SH3RF2: variants seen among roughly 807,000 people sequenced by gnomAD.
SH3RF2 encodes SH3 domain containing ring finger 2.
Under a neutral mutation model 59.0 loss-of-function variants are expected in SH3RF2, and 43 were observed. That is an observed-to-expected ratio of 0.73 (90% CI 0.57 to 0.94). SH3RF2 has a LOEUF of 0.94. SH3RF2 is among the 40% of genes least tolerant of loss of function. The pLI, the probability that SH3RF2 is intolerant of heterozygous loss-of-function variation, is 0.00. For missense variants in SH3RF2, 930 were observed against 940.1 expected, an observed-to-expected ratio of 0.99 and a Z score of 0.14; for synonymous variants, 391 against 391.5, an observed-to-expected ratio of 1.00 and a Z score of 0.01.
At chr5:145,944,337 CT>C (rs59087828) in intron 2 of SH3RF2, among the ~76,000 whole-genome samples, 1,446 of 140,926 alleles carry the variant, frequency 0.01, 6 homozygotes, top group African/African-American at 0.015. Flanking sequence ...TTTCTTTTCC[CT>C]TTTTTTTTTT....
intron 2 of SH3RF2, among the ~76,000 whole-genome samples, chr5:145,944,090 C>T (rs997040751): frequency 7.9e-5 from 12 of 152,140 alleles, no homozygotes; most frequent in Non-Finnish European, 1.2e-4. Context: ...ATAGGTTGTG[C>T]AGCCCTAATT....
intron 2 of SH3RF2, among the ~76,000 whole-genome samples, chr5:145,939,629 G>T (rs1378474092): frequency 6.6e-6 from 1 of 152,096 alleles, no homozygotes; most frequent in Non-Finnish European, 1.5e-5. Flanking sequence ...TCCAGAAAAG[G>T]GTTTGGAACT....
chr5:146,004,322 G>T (rs1020693401), intron 4 of SH3RF2, among the ~76,000 whole-genome samples, 169 bp downstream of exon 4: 2 of 152,166 alleles, frequency 1.3e-5, no homozygotes, highest in East Asian at 3.8e-4. Context: ...CAAGAGTCTG[G>T]GGAAATGAGC....
At chr5:146,031,755 T>G (rs1277912699) in intron 5 of SH3RF2, among the ~76,000 whole-genome samples, 1 of 152,186 alleles carries the variant, frequency 6.6e-6, no homozygotes, top group Non-Finnish European at 1.5e-5. Flanking sequence ...AGTGCTTTGA[T>G]AGCTGGATTC....
chr5:146,074,556 A>G (rs1408656804), intron 9 of SH3RF2, among the ~76,000 whole-genome samples: 2 of 150,970 alleles, frequency 1.3e-5, no homozygotes, highest in Non-Finnish European at 3.0e-5. Context: ...CTAGGCAGCA[A>G]ACAATAAGCA....
intron 2 of SH3RF2, among the ~76,000 whole-genome samples, chr5:145,950,656 G>A (rs1047221628): frequency 2.0e-5 from 3 of 151,578 alleles, no homozygotes; most frequent in African/African-American, 7.3e-5. Flanking sequence ...GAGGAGAAAA[G>A]GGAGGGAAGC....
At chr5:146,076,890 G>C (rs1763350761) in intron 9 of SH3RF2, among the ~76,000 whole-genome samples, 1 of 152,064 alleles carries the variant, frequency 6.6e-6, no homozygotes, top group African/African-American at 2.4e-5. Context: ...AGATCTGACT[G>C]TTCCACACCA....
chr5:146,012,049 C>T (rs1409174617), intron 4 of SH3RF2, among the ~76,000 whole-genome samples: 11 of 152,174 alleles, frequency 7.2e-5, no homozygotes, highest in Middle Eastern at 6.8e-3. Flanking sequence ...TTTTGAGATA[C>T]GTCCCATCAA....
intron 2 of SH3RF2, among the ~76,000 whole-genome samples, chr5:145,994,149 C>G (rs1760060160): frequency 6.6e-6 from 1 of 152,188 alleles, no homozygotes; most frequent in Admixed American, 6.5e-5. Context: ...CAAGAGTCAC[C>G]TTTGCTCCAG....
intron 2 of SH3RF2, among the ~76,000 whole-genome samples, chr5:145,952,920 G>C (rs1758248243): frequency 6.6e-6 from 1 of 152,140 alleles, no homozygotes; most frequent in Non-Finnish European, 1.5e-5. Flanking sequence ...CAAGAGATGA[G>C]AGATCTGGGT....
intron 5 of SH3RF2, among the ~76,000 whole-genome samples, chr5:146,019,200 AAG>A (rs1219342137): frequency 6.6e-6 from 1 of 151,972 alleles, no homozygotes; most frequent in African/African-American, 2.4e-5. Context: ...CCATGTCCAG[AAG>A]AGTTTTTCTA....
At chr5:145,937,576 T>G (rs1342386172) in intron 1 of SH3RF2, among the ~76,000 whole-genome samples, 1 of 152,142 alleles carries the variant, frequency 6.6e-6, no homozygotes, top group East Asian at 1.9e-4. Flanking sequence ...CCAGTTTATC[T>G]CCCTGCTTTC....
At chr5:145,937,788 C>T (rs543704138) in intron 1 of SH3RF2, 35 bp from the exon 2 acceptor site, 15 of 957,598 alleles carry the variant, frequency 1.6e-5, no homozygotes, top group Middle Eastern at 3.4e-4. Context: ...GGAGCAGTCA[C>T]ATTTTTTTTT....
Position 146,058,685 on chromosome 5 carries a change from G to A in SH3RF2, c.1556-1181G>A, listed in dbSNP as rs536557256. On this transcript the variant is annotated intron_variant, in intron 8 of 9. Transcript: ENST00000359120. Reference sequence around the variant, plus strand: ...CTACAGCTTCTCTAAATGCTGAGGGGCCCCTATGGAGAAATGGCCCAGTGT... The same window carrying A: ...CTACAGCTTCTCTAAATGCTGAGGGACCCCTATGGAGAAATGGCCCAGTGT... Among the ~76,000 whole-genome samples, 37 of 152,198 alleles carry A rather than the reference G, an allele frequency of 2.4e-4. No homozygotes were observed. The South Asian group carries it at 7.1e-3, about 29-fold the overall frequency.
At chr5:146,047,587 C>G (rs1180145453) in intron 5 of SH3RF2, among the ~76,000 whole-genome samples, 185 bp from the exon 6 acceptor site, 1 of 152,066 alleles carries the variant, frequency 6.6e-6, no homozygotes. Context: ...AGGCCATAAA[C>G]CAGCTCCTCC....
intron 4 of SH3RF2, among the ~76,000 whole-genome samples, chr5:146,006,817 A>G (rs1760665651): frequency 6.6e-6 from 1 of 152,242 alleles, no homozygotes; most frequent in Non-Finnish European, 1.5e-5. Flanking sequence ...TTCAGTGCAG[A>G]GTGATGAGGG....
intron 2 of SH3RF2, among the ~76,000 whole-genome samples, chr5:145,969,737 A>G (rs1759001244): frequency 6.7e-6 from 1 of 148,176 alleles, no homozygotes. Flanking sequence ...ACTCTTTCTA[A>G]AAAAAAAAAA....
At chr5:145,998,026 G>A in intron 2 of SH3RF2, 6 of 654,944 alleles carry the variant, frequency 9.2e-6, no homozygotes, top group Non-Finnish European at 1.7e-5. Context: ...AGACTGCATA[G>A]AGAGACTACA....
At chr5:146,025,753 A>G (rs1029138325) in intron 5 of SH3RF2, among the ~76,000 whole-genome samples, 5 of 152,218 alleles carry the variant, frequency 3.3e-5, no homozygotes, top group Admixed American at 3.3e-4. Context: ...TATTTATTCT[A>G]CAGAGGAAGG....
Sources: gnomAD v4.1 joint callset for allele counts (sites outside exome capture counted in the v4.1 genomes callset) on GRCh38, gnomAD v4.1.1 for gene constraint, MANE v1.5 for transcripts, NCBI Gene and HGNC (gene_info 2026-07-23, HGNC 2026-07-21) for gene names.